Variants in HPSE2 observed in about 807,000 individuals in gnomAD.
HPSE2 encodes heparanase 2 (inactive).
HPSE2 carries 38 observed loss-of-function variants against 60.5 expected under a neutral mutation model. The ratio of observed to expected loss-of-function variants is 0.63; its 90% confidence interval spans 0.48 to 0.82. The LOEUF (loss-of-function observed/expected upper bound fraction) is 0.82, where lower values mean the gene tolerates loss of function less well. HPSE2 is among the 40% of genes least tolerant of loss of function. The pLI is 0.00. For synonymous variants in HPSE2, 295 were observed against 293.2 expected (o/e 1.01, Z -0.06); for missense variants, 713 against 740.4 (o/e 0.96, Z 0.43).
intron 3 of HPSE2, among the ~76,000 whole-genome samples, chr10:98,998,174 T>C (rs766892850): frequency 2.6e-5 from 4 of 152,184 alleles, no homozygotes; most frequent in South Asian, 4.1e-4. Flanking sequence ...CAACACTTAG[T>C]TGGATATATT....
chr10:98,943,240 A>T (rs1019299843), intron 3 of HPSE2, among the ~76,000 whole-genome samples: 6 of 151,630 alleles, frequency 4.0e-5, no homozygotes, highest in Non-Finnish European at 5.9e-5. Context: ...ATAATAATAC[A>T]ATAAAAAATT....
At chr10:98,954,956 TTTTATATATATATATACATA>T (rs548002953) in intron 3 of HPSE2, among the ~76,000 whole-genome samples, 71 of 121,858 alleles carry the variant, frequency 5.8e-4, no homozygotes, top group African/African-American at 1.7e-3. Context: ...TAAGCATCAA[TTTTATATATATATATACATA>T]TTTATATATA....
the HPSE2 span, among the ~76,000 whole-genome samples, chr10:99,314,746 T>TA: frequency 6.6e-6 from 1 of 152,240 alleles, no homozygotes; most frequent in Non-Finnish European, 1.5e-5. Flanking sequence ...TTTTTAAATA[T>TA]AAGCTCTGAG....
chr10:98,468,311 G>T lies in HPSE2; in HGVS notation c.1614-8572C>A, dbSNP rs1940637469. ...TGGCCCCTGCAGGTGGTGTCGCCTGGTACCCCATGTCCGGCTGGAGGAAAG... is the reference window on the plus strand; with the variant it reads ...TGGCCCCTGCAGGTGGTGTCGCCTGTTACCCCATGTCCGGCTGGAGGAAAG... On this transcript the variant is annotated intron_variant, in intron 11 of 11. Coordinates refer to ENST00000370552, the MANE Select transcript of HPSE2 (RefSeq NM_021828.5). Among the ~76,000 whole-genome samples, 2 of 152,286 alleles carry T rather than the reference G, an allele frequency of 1.3e-5. 1 individual carries two copies. Among genetic ancestry groups the T allele is most frequent in the South Asian group, 4.1e-4 (2 of 4,822 alleles).
At chr10:99,152,017 T>C (rs1846286622) in intron 2 of HPSE2, among the ~76,000 whole-genome samples, 1 of 151,476 alleles carries the variant, frequency 6.6e-6, no homozygotes, top group Non-Finnish European at 1.5e-5. Context: ...ATTTCCATAT[T>C]TAAAAAAAAA....
chr10:99,184,809 TATATATATATAGAGAGAGAGAG>T (rs1306475231), intron 2 of HPSE2, among the ~76,000 whole-genome samples: 3 of 38,044 alleles, frequency 7.9e-5, no homozygotes, highest in African/African-American at 1.1e-4. Flanking sequence ...TATATATATA[TATATATATATAGAGAGAGAGAG>T]AGAGAGAGAG....
intron 9 of HPSE2, among the ~76,000 whole-genome samples, chr10:98,553,482 C>T (rs1589412385): frequency 6.6e-6 from 1 of 152,210 alleles, no homozygotes; most frequent in Non-Finnish European, 1.5e-5. Flanking sequence ...CATGCTCAGA[C>T]ATGCATCATT....
chr10:99,164,702 C>A (rs1846994908), intron 2 of HPSE2, among the ~76,000 whole-genome samples: 1 of 152,212 alleles, frequency 6.6e-6, no homozygotes, highest in South Asian at 2.1e-4. Context: ...AAGAAGGACA[C>A]TCTAGTCCAA....
At chr10:98,872,089 A>AT (rs1235907614) in intron 3 of HPSE2, among the ~76,000 whole-genome samples, 1 of 152,046 alleles carries the variant, frequency 6.6e-6, no homozygotes, top group Non-Finnish European at 1.5e-5. Context: ...CCATTTAGGC[A>AT]TTTTTGTGAG....
At chr10:98,539,935 G>A (rs1943407675) in intron 9 of HPSE2, among the ~76,000 whole-genome samples, 1 of 152,128 alleles carries the variant, frequency 6.6e-6, no homozygotes, top group Non-Finnish European at 1.5e-5. Context: ...TTAAGAGAAG[G>A]CACTATAGCA....
intron 3 of HPSE2, among the ~76,000 whole-genome samples, chr10:99,068,856 A>C (rs1327423603): frequency 6.6e-6 from 1 of 152,220 alleles, no homozygotes; most frequent in Non-Finnish European, 1.5e-5. Context: ...ATGCCAATAA[A>C]TTAGACAACT....
At chr10:98,506,164 G>A (rs967458066) in intron 9 of HPSE2, among the ~76,000 whole-genome samples, 11 of 151,838 alleles carry the variant, frequency 7.2e-5, no homozygotes, top group African/African-American at 2.7e-4. Context: ...TTCCAAGTAG[G>A]GAATCTTTAT....
intron 3 of HPSE2, among the ~76,000 whole-genome samples, chr10:99,108,400 AG>A: frequency 6.6e-6 from 1 of 151,922 alleles, no homozygotes; most frequent in Non-Finnish European, 1.5e-5. Flanking sequence ...GACACTGTTT[AG>A]AAAAAAAAAA....
At chr10:99,302,160 C>G in the HPSE2 span, among the ~76,000 whole-genome samples, 1 of 152,034 alleles carries the variant, frequency 6.6e-6, no homozygotes, top group Non-Finnish European at 1.5e-5. Context: ...ATTGTCTCCC[C>G]AGACTTCCAC....
chr10:98,929,563 T>C lies in HPSE2; in HGVS notation c.611-185507A>G, dbSNP rs1954585921. ...AGTGGCTTCTGAAGACCTAAGTTATTTGCCAGAAGAATTCCAACGTTCAAA... is the reference window on the plus strand; with the variant it reads ...AGTGGCTTCTGAAGACCTAAGTTATCTGCCAGAAGAATTCCAACGTTCAAA... On this transcript the variant is annotated intron_variant, in intron 3 of 11. Coordinates refer to ENST00000370552, the MANE Select transcript of HPSE2 (RefSeq NM_021828.5). 1.4e-5 allele frequency among the ~76,000 whole-genome samples: 2 copies of C among 143,932 alleles called. 1 individual carries two copies. Among genetic ancestry groups the C allele is most frequent in the South Asian group, 4.3e-4 (2 of 4,704 alleles). 94.4% of individuals were successfully genotyped at this position (143,932 alleles called of 152,430 possible).
intron 2 of HPSE2, among the ~76,000 whole-genome samples, chr10:99,160,315 T>C (rs1331710742): frequency 6.6e-6 from 1 of 151,994 alleles, no homozygotes; most frequent in Non-Finnish European, 1.5e-5. Flanking sequence ...TAATAGCACA[T>C]AAAATTATAT....
chr10:98,753,083 T>C (rs1949795749), intron 3 of HPSE2, among the ~76,000 whole-genome samples: 2 of 152,170 alleles, frequency 1.3e-5, no homozygotes, highest in Admixed American at 6.5e-5. Context: ...GATTAAAGAA[T>C]ACATAATTAC....
intron 3 of HPSE2, among the ~76,000 whole-genome samples, chr10:99,059,849 A>C (rs1958195174): frequency 1.3e-5 from 2 of 152,170 alleles, no homozygotes; most frequent in African/African-American, 4.8e-5. Flanking sequence ...CTCTTAAAAA[A>C]TGTACAGTCT....
the HPSE2 span, among the ~76,000 whole-genome samples, chr10:99,305,915 T>C: frequency 6.8e-6 from 1 of 147,896 alleles, no homozygotes; most frequent in Non-Finnish European, 1.5e-5. Context: ...GAAGACAGGA[T>C]AGTAAACTCA....
Sources: gnomAD v4.1 joint callset for allele counts (sites outside exome capture counted in the v4.1 genomes callset) on GRCh38, gnomAD v4.1.1 for gene constraint, MANE v1.5 for transcripts, NCBI Gene and HGNC (gene_info 2026-07-23, HGNC 2026-07-21) for gene names.